Variants in PRSS55 observed in about 807,000 individuals in gnomAD.
PRSS55 encodes the protein probable serine protease UNQ9391/PRO34284.
Under a neutral mutation model 23.6 loss-of-function variants are expected in PRSS55, and 41 were observed. That is an observed-to-expected ratio of 1.74 (90% CI 1.35 to 2.26). The LOEUF is 2.26. PRSS55 is among the 30% of genes most tolerant of loss of function. PRSS55 has a pLI of 0.00. For missense variants in PRSS55, 669 were observed against 439.1 expected (o/e 1.52, Z -4.68); for synonymous variants, 262 against 175.5 (o/e 1.49, Z -3.90).
intron 4 of PRSS55, among the ~76,000 whole-genome samples, chr8:10,548,954 C>T (rs1170618763): frequency 6.6e-6 from 1 of 152,212 alleles, no homozygotes; most frequent in Non-Finnish European, 1.5e-5. Flanking sequence ...ATCAAGCCCA[C>T]TGTGTGTCTT....
At chr8:10,553,820 T>C in intron 4 of PRSS55, 1 of 619,236 alleles carries the variant, frequency 1.6e-6, no homozygotes, top group East Asian at 2.8e-5. Context: ...TGTAAGGTGA[T>C]GGATATGTTA....
chr8:10,539,942 G>A (rs901020179), downstream of PRSS55, among the ~76,000 whole-genome samples: 2 of 152,166 alleles, frequency 1.3e-5, no homozygotes, highest in African/African-American at 4.8e-5. Flanking sequence ...GCAGGCCTGA[G>A]CTCCCCTTTC....
chr8:10,538,379 G>T (rs1812528352), intron 4 of PRSS55, 97 bp from the exon 5 acceptor site: 3 of 962,772 alleles, frequency 3.1e-6, no homozygotes, highest in South Asian at 1.6e-5. Context: ...AGCCAGAGTT[G>T]GGGAGGCTGA....
rs948841275 is a variant in PRSS55, at chr8:10,548,502, G to A, written c.742-5441G>A. Reference sequence around the variant, plus strand: ...CATCCGATGGGCTGTGGCACCGCGGGGCTGCACTGGGTCCTGGGAGCTGGG... The same window carrying A: ...CATCCGATGGGCTGTGGCACCGCGGAGCTGCACTGGGTCCTGGGAGCTGGG... On this transcript the variant is annotated intron_variant, in intron 4 of 4. Transcript: ENST00000522210. 2.0e-5 allele frequency among the ~76,000 whole-genome samples: 3 copies of A among 152,126 alleles called. No individual in the cohort carries two copies. In the East Asian group the frequency reaches 5.8e-4, roughly 29 times the overall value.
chr8:10,542,107 C>T (rs1438519820), downstream of PRSS55, among the ~76,000 whole-genome samples: 1 of 152,156 alleles, frequency 6.6e-6, no homozygotes, highest in Non-Finnish European at 1.5e-5. Context: ...AACGTTTTGT[C>T]ATGATATGGA....
chr8:10,542,800 G>T (rs965816996), downstream of PRSS55, among the ~76,000 whole-genome samples: 1 of 151,054 alleles, frequency 6.6e-6, no homozygotes, highest in African/African-American at 2.4e-5. Flanking sequence ...TTGAACCCGG[G>T]AGGCGGAGGT....
At chr8:10,525,963 C>T (rs140390807) in intron 1 of PRSS55, among the ~76,000 whole-genome samples, 284 of 152,324 alleles carry the variant, frequency 1.9e-3, no homozygotes, top group African/African-American at 5.9e-3. Flanking sequence ...AGAGGAATAG[C>T]AGGCTGCCCT....
chr8:10,529,994 C>T (rs1487970202), intron 2 of PRSS55, among the ~76,000 whole-genome samples: 1 of 152,184 alleles, frequency 6.6e-6, no homozygotes, highest in Non-Finnish European at 1.5e-5. Context: ...GGTCCAAATG[C>T]CTCTCCTAGG....
chr8:10,548,567 C>T (rs954291242), intron 4 of PRSS55, among the ~76,000 whole-genome samples: 1 of 152,132 alleles, frequency 6.6e-6, no homozygotes, highest in Non-Finnish European at 1.5e-5. Flanking sequence ...TCACTTTGGA[C>T]CCTTTCCTTC....
intron 1 of PRSS55, 109 bp from the exon 2 acceptor site, chr8:10,529,398 A>C: frequency 9.2e-7 from 1 of 1,088,222 alleles, no homozygotes; most frequent in Non-Finnish European, 1.4e-6. Flanking sequence ...TAGAATGGGG[A>C]TGAGGATATC....
chr8:10,539,973 C>T (rs1265936675), downstream of PRSS55, among the ~76,000 whole-genome samples: 4 of 152,204 alleles, frequency 2.6e-5, no homozygotes, highest in African/African-American at 7.2e-5. Context: ...CAAGCTGTCA[C>T]CAGTTCTCCC....
intron 4 of PRSS55, among the ~76,000 whole-genome samples, chr8:10,534,320 T>C (rs887495241): frequency 2.0e-5 from 3 of 152,182 alleles, no homozygotes; most frequent in Admixed American, 1.3e-4. Context: ...TATTTCTTTA[T>C]AGTGATGCAA....
At chr8:10,531,263 C>A in intron 2 of PRSS55, 32 bp from the exon 3 acceptor site, 1 of 1,610,046 alleles carries the variant, frequency 6.2e-7, no homozygotes. Context: ...CCTTCCCCTT[C>A]CACTTGCCCC....
chr8:10,549,582 G>C (rs764771609), intron 4 of PRSS55, among the ~76,000 whole-genome samples: 30 of 152,160 alleles, frequency 2.0e-4, no homozygotes, highest in Non-Finnish European at 2.8e-4. Flanking sequence ...ATCAAGAAAA[G>C]ACCCTGGTTC....
chr8:10,548,866 G>A (rs929432382), intron 4 of PRSS55, among the ~76,000 whole-genome samples: 4 of 152,082 alleles, frequency 2.6e-5, no homozygotes, highest in Non-Finnish European at 4.4e-5. Context: ...GGGACCTGGT[G>A]GTGGGGGAGA....
At chr8:10,535,915 G>A (rs1230091327) in intron 4 of PRSS55, among the ~76,000 whole-genome samples, 5 of 152,288 alleles carry the variant, frequency 3.3e-5, no homozygotes, top group South Asian at 2.1e-4. Flanking sequence ...GGCCGGGAGC[G>A]GTGGTTCACG....
At chr8:10,550,695 C>G (rs1812932925) in intron 4 of PRSS55, among the ~76,000 whole-genome samples, 2 of 152,144 alleles carry the variant, frequency 1.3e-5, no homozygotes, top group African/African-American at 4.8e-5. Flanking sequence ...AACTGTGTTA[C>G]CCTGCGATGT....
At chr8:10,527,617 A>C (rs1478590778) in intron 1 of PRSS55, among the ~76,000 whole-genome samples, 1 of 152,240 alleles carries the variant, frequency 6.6e-6, no homozygotes, top group Admixed American at 6.5e-5. Flanking sequence ...CTGCCTGGGG[A>C]AGAATATTTC....
Position 10,533,789 on chromosome 8 carries a change from A to G in PRSS55, c.741+741A>G, listed in dbSNP as rs985005590. ...CCAGGCAGTGGACCTTGTCGTTGGT[A>G]TAAAACCACAAATGAAGATGATAAA... On this transcript the variant is annotated intron_variant, in intron 4 of 4. Coordinates refer to ENST00000328655, the MANE Select transcript of PRSS55 (RefSeq NM_198464.4). Among the ~76,000 whole-genome samples, 3 of 152,184 alleles carry G rather than the reference A, an allele frequency of 2.0e-5. No homozygotes were observed. In the East Asian group the frequency reaches 5.8e-4, roughly 29 times the overall value.
Sources: gnomAD v4.1 joint callset for allele counts (sites outside exome capture counted in the v4.1 genomes callset) on GRCh38, gnomAD v4.1.1 for gene constraint, MANE v1.5 for transcripts, NCBI Gene and HGNC (gene_info 2026-07-23, HGNC 2026-07-21) for gene names.